SURF4: variants seen among roughly 807,000 people sequenced by gnomAD.
The protein encoded by SURF4 is surfeit locus protein 4.
In SURF4, 3 loss-of-function variants were observed where a neutral mutation model predicts 30.0. That is an observed-to-expected ratio of 0.10 (90% CI 0.05 to 0.26). The LOEUF (loss-of-function observed/expected upper bound fraction) is 0.26. SURF4 is among the 10% of genes least tolerant of loss of function. The pLI is 1.00. For synonymous variants in SURF4, 143 were observed against 139.9 expected, an observed-to-expected ratio of 1.02 and a Z score of -0.16; for missense variants, 217 against 350.8, an observed-to-expected ratio of 0.62 and a Z score of 3.05.
intron 1 of SURF4, chr9:133,375,155 G>A (rs2130233444): frequency 2.2e-6 from 2 of 928,788 alleles, no homozygotes; most frequent in African/African-American, 3.6e-5. Flanking sequence ...TGTAGGATCG[G>A]ATCCTGTCCA....
Position 133,364,950 on chromosome 9 carries a change from C to T in SURF4, c.433G>A (p.Val145Ile), listed in dbSNP as rs148945883. Residue 145 changes from valine to isoleucine, a missense_variant, in exon 5 of 6, where the codon GTC becomes ATC. By Grantham distance (29) the Val-to-Ile change is conservative (BLOSUM62 3). Coordinates refer to ENST00000371989, the MANE Select transcript of SURF4 (RefSeq NM_033161.4). ...RSEGKSMFAG[V>I]PTMRESSPKQ... ...GGGGAGCTCTCACGCATGGTGGGGA[C>T]GCCCGCAAACATGCTCTTCCCTTCA... 22 of 1,613,050 alleles carry T rather than the reference C, an allele frequency of 1.4e-5. No homozygotes were observed. The highest frequency in any genetic ancestry group is 1.2e-4 in the African/African-American group (9 of 75,004).
chr9:133,364,804 G>A, intron 5 of SURF4, 36 bp downstream of exon 5: 2 of 1,611,454 alleles, frequency 1.2e-6, no homozygotes, highest in Non-Finnish European at 1.7e-6. Context: ...GCATTCACAG[G>A]AAACCAGACC....
chr9:133,367,741 C>T (rs2130149469), intron 1 of SURF4, among the ~76,000 whole-genome samples: 6 of 152,344 alleles, frequency 3.9e-5, no homozygotes, highest in African/African-American at 1.2e-4. Flanking sequence ...ACTCTGCTAC[C>T]GTGATTTCCC....
At chr9:133,367,676 G>A in intron 1 of SURF4, 2 of 1,238,654 alleles carry the variant, frequency 1.6e-6, no homozygotes, top group East Asian at 2.6e-5. Flanking sequence ...TCCCGGAGAT[G>A]CATGACTTGA....
rs1408327230 is a variant in SURF4 at position 133,373,929 on chromosome 9, AAAAAAAG to A, written c.48+1986_48+1992del. Among the ~76,000 whole-genome samples the A allele has an allele frequency of 1.4e-3, 210 of 149,708 alleles. 1 individual carries two copies. Among genetic ancestry groups the A allele is most frequent in the African/African-American group, 4.9e-3 (198 of 40,444 alleles). Reference sequence around the variant, plus strand: ...TGTCTCAAAAAAAAAAAAAAAAAAAAAAAAAAGAAGAAGAAAACAGTATGTGAAGACA... The same window carrying A: ...TGTCTCAAAAAAAAAAAAAAAAAAAAAAGAAGAAAACAGTATGTGAAGACA... On this transcript the variant is annotated intron_variant, in intron 1 of 5. Transcript: ENST00000371989.
In SURF4 at chr9:133,363,469, C is replaced by T. The variant is rs2130086777; in HGVS notation, c.*24G>A. On this transcript the variant is annotated 3_prime_UTR_variant, in exon 6 of 6. Transcript: ENST00000371989. This position sits in a 1 kb window ranked among gnomAD's most constrained non-coding sequence, Gnocchi z 4.3. ...GTCCTTGACGGCCACGGGTCTTAGC[C>T]AGGCAGGTAGGGATCTGTGACTGTT... The T allele has an allele frequency of 1.2e-6, 2 of 1,614,232 alleles. No homozygotes were observed. Among genetic ancestry groups the T allele is most frequent in the East Asian group, 4.5e-5 (2 of 44,886 alleles).
chr9:133,367,148 GA>G (rs1166864391), intron 2 of SURF4, 110 bp downstream of exon 2: 2 of 1,362,036 alleles, frequency 1.5e-6, no homozygotes, highest in Non-Finnish European at 2.0e-6. Flanking sequence ...GAGGGGAATG[GA>G]GGGGGGACAG....
Position 133,363,329 on chromosome 9 carries a change from G to A in SURF4, c.*164C>T, listed in dbSNP as rs1027208762. ...TGGCTCCAGAGCAGACTGAGCCATC[G>A]ATTCTCAGGTGTCTCTGCAAATAAA... is the stretch of plus-strand genomic sequence containing the variant. On this transcript the variant is annotated 3_prime_UTR_variant, in exon 6 of 6. Transcript: ENST00000371989. The surrounding 1 kb of genome is among the most constrained non-coding windows in gnomAD (Gnocchi z 4.3). 10 of 1,166,164 alleles carry A rather than the reference G, an allele frequency of 8.6e-6. No individual in the cohort carries two copies. The African/African-American group carries it at 1.2e-4, about 14-fold the overall frequency. 72.2% of individuals were successfully genotyped at this position (1,166,164 alleles called of 1,614,324 possible). A position where few individuals can be genotyped will look rare whatever the true frequency, so the allele number is the denominator to read the frequency against.
upstream of SURF4, chr9:133,376,168 A>T: frequency 2.4e-6 from 3 of 1,228,462 alleles, no homozygotes; most frequent in Non-Finnish European, 3.0e-6. Context: ...GTGCGTCTTA[A>T]AGGGGCCACG....
At chr9:133,364,728 CT>C in intron 5 of SURF4, 111 bp downstream of exon 5, 1 of 1,004,954 alleles carries the variant, frequency 1.0e-6, no homozygotes, top group Non-Finnish European at 1.4e-6. Context: ...ATTTCAGCAG[CT>C]CCCCCAGGCT....
chr9:133,372,688 C>A, intron 1 of SURF4: 1 of 952,284 alleles, frequency 1.1e-6, no homozygotes, highest in South Asian at 4.8e-5. Flanking sequence ...GTCACTTTAT[C>A]TGATCAGTGA....
At chr9:133,375,150 G>T in intron 1 of SURF4, 1 of 897,052 alleles carries the variant, frequency 1.1e-6, no homozygotes, top group Non-Finnish European at 1.3e-6. Context: ...CACTTTGTAG[G>T]ATCGGATCCT....
In SURF4 at chr9:133,363,631, G is replaced by T; in HGVS notation, c.672C>A (p.Thr224=). The change falls in exon 6 of 6, where the codon ACC becomes ACA. Residue 224 remains threonine (T), a synonymous_variant. Transcript: ENST00000371989. The surrounding 1 kb of genome is among the most constrained non-coding windows in gnomAD (Gnocchi z 4.3). The part of the protein sequence containing the change: ...AINVYFNAFW[T]IPVYKPMHDF... Reference sequence around the variant, plus strand: ...CATGCATGGGCTTGTAGACTGGAATGGTCCAGAAGGCGTTGAAATATACGT... The same window carrying T: ...CATGCATGGGCTTGTAGACTGGAATTGTCCAGAAGGCGTTGAAATATACGT... 4.3e-6 allele frequency: 7 copies of T among 1,614,196 alleles called. No individual in the cohort carries two copies. Among genetic ancestry groups the T allele is most frequent in the Non-Finnish European group, 5.9e-6 (7 of 1,180,040 alleles).
intron 3 of SURF4, among the ~76,000 whole-genome samples, chr9:133,366,289 T>C (rs2130125170): frequency 6.6e-6 from 1 of 152,366 alleles, no homozygotes; most frequent in Admixed American, 6.5e-5. Flanking sequence ...CATTTCATTC[T>C]GAATAACCAA....
At chr9:133,376,279 T>C (rs1588729246), upstream of SURF4, 16 of 1,317,602 alleles carry the variant, frequency 1.2e-5, no homozygotes, top group East Asian at 4.8e-4. Flanking sequence ...GCGCAGGCCC[T>C]GCGGTCCCTC....
At chr9:133,377,349 C>T (rs940642717), upstream of SURF4, among the ~76,000 whole-genome samples, 1 of 152,186 alleles carries the variant, frequency 6.6e-6, no homozygotes, top group African/African-American at 2.4e-5. Flanking sequence ...CCAGCTCTGC[C>T]CTCAGCCCGC....
At chr9:133,365,871 G>A (rs2130120803) in intron 4 of SURF4, 114 bp downstream of exon 4, 9 of 1,074,362 alleles carry the variant, frequency 8.4e-6, no homozygotes, top group Middle Eastern at 2.0e-4. Flanking sequence ...CACTTCCTTT[G>A]AGCGTCATGT....
intron 5 of SURF4, among the ~76,000 whole-genome samples, 173 bp downstream of exon 5, chr9:133,364,667 G>A (rs1837051440): frequency 6.6e-6 from 1 of 151,574 alleles, no homozygotes; most frequent in African/African-American, 2.4e-5. Flanking sequence ...CTCCAGCCTG[G>A]GGGACAGAGC....
chr9:133,366,157 G>C, intron 3 of SURF4, 129 bp from the exon 4 acceptor site: 1 of 877,648 alleles, frequency 1.1e-6, no homozygotes, highest in Middle Eastern at 2.2e-4. Context: ...CATTGTAGGA[G>C]ACCGAGGACA....
Sources: allele counts gnomAD v4.1 joint callset (sites outside exome capture counted in the v4.1 genomes callset), GRCh38; gene constraint gnomAD v4.1.1; non-coding constraint Gnocchi (gnomAD v3.1); transcripts MANE v1.5; gene names NCBI Gene and HGNC (gene_info 2026-07-23, HGNC 2026-07-21).